CEP128: variants seen among roughly 807,000 people sequenced by gnomAD.
CEP128 encodes centrosomal protein 128.
CEP128 carries 132 observed loss-of-function variants against 156.7 expected under a neutral mutation model. The ratio of observed to expected loss-of-function variants is 0.84; its 90% confidence interval spans 0.73 to 0.97. The LOEUF (loss-of-function observed/expected upper bound fraction) is 0.97. CEP128 is among the 50% of genes least tolerant of loss of function. The pLI is 0.00. For missense variants in CEP128, 1,252 were observed against 1,281.9 expected (o/e 0.98, Z 0.36); for synonymous variants, 469 against 448.9 (o/e 1.04, Z -0.57).
intron 8 of CEP128, among the ~76,000 whole-genome samples, chr14:80,863,582 T>G (rs1309268137): frequency 6.6e-6 from 1 of 152,234 alleles, no homozygotes; most frequent in Admixed American, 6.5e-5. Flanking sequence ...ATGTATTTCA[T>G]TATACAGCCC....
chr14:80,642,886 C>G (rs1198205815), intron 19 of CEP128, among the ~76,000 whole-genome samples: 1 of 151,982 alleles, frequency 6.6e-6, no homozygotes, highest in African/African-American at 2.4e-5. Context: ...TCCCGAGTAG[C>G]TGGGACTACA....
chr14:80,812,671 C>T (rs1051026368), intron 13 of CEP128, among the ~76,000 whole-genome samples: 6 of 152,258 alleles, frequency 3.9e-5, no homozygotes, highest in African/African-American at 7.2e-5. Flanking sequence ...TGGGTTCAAG[C>T]GATTCTCCTG....
chr14:80,529,427 G>A (rs1195259894), intron 22 of CEP128, among the ~76,000 whole-genome samples: 3 of 152,036 alleles, frequency 2.0e-5, no homozygotes, highest in Non-Finnish European at 4.4e-5. Context: ...ATAATAATGA[G>A]CCTTTTGGTA....
At chr14:80,914,250 G>T in intron 4 of CEP128, 72 bp downstream of exon 4, 1 of 1,033,980 alleles carries the variant, frequency 9.7e-7, no homozygotes, top group Non-Finnish European at 1.5e-6. Flanking sequence ...TTAGCTCACA[G>T]CCCCATTCCC....
chr14:80,822,712 C>G, intron 13 of CEP128: 2 of 852,148 alleles, frequency 2.3e-6, no homozygotes, highest in South Asian at 2.6e-5. Context: ...CTGATGCTGG[C>G]AAGGAGGGGA....
In CEP128 at chr14:80,584,361, G is replaced by A. The variant is rs140591480; in HGVS notation, c.2807-3938C>T. Among the ~76,000 whole-genome samples, 177 of 151,988 alleles carry A rather than the reference G, an allele frequency of 1.2e-3. 3 individuals are homozygous for A. In the Middle Eastern group the frequency reaches 0.024, roughly 20 times the overall value. On this transcript the variant is annotated intron_variant, in intron 19 of 24. Coordinates refer to ENST00000555265, the MANE Select transcript of CEP128 (RefSeq NM_152446.5). ...GGGTTTTACCATGTTAGATGGGCTG[G>A]TCTTGAACTCCTGACCTCAAGTGAT...
intron 9 of CEP128, among the ~76,000 whole-genome samples, chr14:80,842,442 A>G (rs1412992650): frequency 6.6e-6 from 1 of 151,944 alleles, no homozygotes; most frequent in African/African-American, 2.4e-5. Flanking sequence ...CAGTTTTTCT[A>G]CATTACCTAG....
intron 16 of CEP128, among the ~76,000 whole-genome samples, chr14:80,776,736 T>C (rs1900814877): frequency 6.6e-6 from 1 of 151,984 alleles, no homozygotes; most frequent in South Asian, 2.1e-4. Flanking sequence ...ATTTGGCCCA[T>C]GTATATAGTG....
Position 80,559,282 on chromosome 14 carries a change from T to C in CEP128, c.2877A>G (p.Glu959=). The C allele has an allele frequency of 6.2e-7, 1 of 1,605,168 alleles. No individual in the cohort carries two copies. The highest frequency in any genetic ancestry group is 8.5e-7 in the Non-Finnish European group (1 of 1,176,222). ...GAAAGAAAATGCCCCAACTTACCGT[T>C]TCTAATGCAATTACACGGTCCTGCA... ...GSLQDRVIAL[E]TSTQVALDHL... The change falls in exon 21 of 25, where the codon GAA becomes GAG. Residue 959 remains glutamate, a synonymous_variant. Transcript: ENST00000555265.
intron 19 of CEP128, among the ~76,000 whole-genome samples, chr14:80,635,770 C>T (rs140004257): frequency 6.6e-6 from 1 of 152,282 alleles, no homozygotes; most frequent in Non-Finnish European, 1.5e-5. Context: ...ATCCAAAACA[C>T]CCTAAAATCT....
In CEP128 at chr14:80,940,091, C is replaced by T. The variant is rs139475682; in HGVS notation, c.-171-551G>A. Among the ~76,000 whole-genome samples the T allele has an allele frequency of 1.7e-3, 263 of 152,122 alleles. 3 individuals carry two copies. The highest frequency in any genetic ancestry group is 4.3e-4 in the Non-Finnish European group (29 of 68,004). On this transcript the variant is annotated intron_variant, in intron 1 of 24. Transcript: ENST00000555265. ...TGCTTTCAAAGCAATCTGTAAGAAT[C>T]CACAGGAAGTGATCCAGAGAACTGG...
intron 13 of CEP128, among the ~76,000 whole-genome samples, chr14:80,805,403 C>G (rs774732678): frequency 6.6e-6 from 1 of 152,088 alleles, no homozygotes; most frequent in Non-Finnish European, 1.5e-5. Context: ...GCCTTTGCAG[C>G]AGCAGCTTCC....
At chr14:80,812,540 T>C (rs1279637012) in intron 13 of CEP128, among the ~76,000 whole-genome samples, 2 of 152,222 alleles carry the variant, frequency 1.3e-5, no homozygotes, top group East Asian at 3.9e-4. Context: ...AAGCGTTCCC[T>C]TTCTCCATAA....
chr14:80,642,089 C>CAAAA lies in CEP128; in HGVS notation c.2807-61670_2807-61667dup, dbSNP rs71103870. On this transcript the variant is annotated intron_variant, in intron 19 of 24. Transcript: ENST00000555265. ...TGGGCGACAGAGTGAGACTCCGTTT[C>CAAAA]AAAAAAAAAAAAGAAGAGAGAGACA... 3.1e-4 allele frequency among the ~76,000 whole-genome samples: 28 copies of CAAAA among 91,486 alleles called. 1 individual carries two copies. In the South Asian group the frequency reaches 6.9e-3, roughly 23 times the overall value. 60.0% of individuals were successfully genotyped at this position (91,486 alleles called of 152,430 possible). A position where few individuals can be genotyped will look rare whatever the true frequency, so the allele number is the denominator to read the frequency against.
Position 80,771,852 on chromosome 14 carries a change from A to G in CEP128, c.2376+6030T>C, listed in dbSNP as rs562098265. On this transcript the variant is annotated intron_variant, in intron 16 of 24. Transcript: ENST00000555265. ...GGTTCTTACTGATTCTGATCAATGGAAAGAACAGGACTGGTAACCCTGAGT... is the reference window on the plus strand; with the variant it reads ...GGTTCTTACTGATTCTGATCAATGGGAAGAACAGGACTGGTAACCCTGAGT... Among the ~76,000 whole-genome samples the G allele has an allele frequency of 7.2e-5, 11 of 152,346 alleles. No homozygotes were observed. The South Asian group carries it at 2.3e-3, about 32-fold the overall frequency.
At chr14:80,840,548 C>A (rs766352270) in intron 10 of CEP128, 134 bp downstream of exon 10, 3 of 555,452 alleles carry the variant, frequency 5.4e-6, no homozygotes, top group Non-Finnish European at 9.5e-6. Context: ...GCCGTTGAAC[C>A]AATTGACTCC....
intron 9 of CEP128, among the ~76,000 whole-genome samples, chr14:80,848,696 G>A (rs1403314181): frequency 6.6e-6 from 1 of 150,962 alleles, no homozygotes; most frequent in African/African-American, 2.4e-5. Context: ...AGAAAGGAAA[G>A]AAAGAAAGAA....
chr14:80,615,470 T>A (rs74066003), intron 19 of CEP128, among the ~76,000 whole-genome samples: 1 of 152,130 alleles, frequency 6.6e-6, no homozygotes, highest in African/African-American at 2.4e-5. Context: ...CGAAAAGGAT[T>A]GATGCAAATA....
At chr14:80,694,739 G>C (rs1165155427) in intron 19 of CEP128, among the ~76,000 whole-genome samples, 1 of 151,548 alleles carries the variant, frequency 6.6e-6, no homozygotes, top group African/African-American at 2.4e-5. Flanking sequence ...TCACACACTG[G>C]GGCCTGTCAG....
Sources: gnomAD v4.1 joint callset for allele counts (sites outside exome capture counted in the v4.1 genomes callset) on GRCh38, gnomAD v4.1.1 for gene constraint, MANE v1.5 for transcripts, NCBI Gene and HGNC (gene_info 2026-07-23, HGNC 2026-07-21) for gene names.